The following KMT2C variants were observed in gnomAD, a reference collection of about 807,000 sequenced individuals.
KMT2C encodes the protein histone-lysine N-methyltransferase 2C.
KMT2C carries 88 observed loss-of-function variants against 507.9 expected under a neutral mutation model. The observed-to-expected ratio is 0.17, with a 90% CI of 0.15 to 0.21. KMT2C has a LOEUF of 0.21. Among genes scored for constraint, KMT2C ranks in the 10% least tolerant of loss-of-function variants. The pLI is 1.00. For missense variants in KMT2C, 4,954 were observed against 5,957.8 expected (o/e 0.83, Z 5.55); for synonymous variants, 2,049 against 2,080.8 (o/e 0.98, Z 0.42).
At position 152,306,403 on chromosome 7, in the gene KMT2C, C is replaced by T. The variant is rs527885123; in HGVS notation, c.849+3563G>A. ...TCCATGCTACACAGATCTCCACTCC[C>T]TTCTTCTCCCTCCCACTCCCTACAG... On this transcript the variant is annotated intron_variant, in intron 6 of 58. Transcript: ENST00000262189. Among the ~76,000 whole-genome samples the T allele has an allele frequency of 2.0e-5, 3 of 152,318 alleles. No individual in the cohort carries two copies. The South Asian group carries it at 6.2e-4, about 32-fold the overall frequency.
chr7:152,207,935 TA>T (rs2094351913), intron 23 of KMT2C, among the ~76,000 whole-genome samples: 1 of 152,186 alleles, frequency 6.6e-6, no homozygotes, highest in Admixed American at 6.5e-5. Flanking sequence ...CAATCATTCC[TA>T]ATCTCTTTCC....
chr7:152,162,063 AAG>A, intron 43 of KMT2C, 52 bp downstream of exon 43: 2 of 1,484,288 alleles, frequency 1.3e-6, no homozygotes, highest in Non-Finnish European at 1.8e-6. Context: ...AATCTGCTGT[AAG>A]TATAATTTAA....
chr7:152,183,079 T>C lies in KMT2C; in HGVS notation c.5160A>G (p.Gln1720=), dbSNP rs1459445815. ...AGCTGGGATCAATGCTATCTTGCTG[T>C]TGCTGCCTTTTCATGGAATCATTTG... ...QMSNDSMKRQ[Q]QQDSIDPSSR... Residue 1720 remains glutamine, a synonymous_variant, in exon 35 of 59, where the codon CAA becomes CAG. Transcript: ENST00000262189. 1 of 1,613,116 alleles carries C rather than the reference T, an allele frequency of 6.2e-7. No homozygotes were observed. Among genetic ancestry groups the C allele is most frequent in the South Asian group, 1.1e-5 (1 of 90,914 alleles).
intron 40 of KMT2C, 75 bp from the exon 41 acceptor site, chr7:152,169,324 A>G (rs2092859829): frequency 7.6e-6 from 6 of 787,122 alleles, no homozygotes; most frequent in East Asian, 5.0e-5. Context: ...TAAAAGAAAG[A>G]AAGAAAAAAA....
At chr7:152,325,911 C>CTTT (rs74740965) in intron 3 of KMT2C, among the ~76,000 whole-genome samples, 1 of 136,384 alleles carries the variant, frequency 7.3e-6, no homozygotes, top group African/African-American at 2.8e-5. Context: ...TTAGGTCTTT[C>CTTT]TTTTTTTTTT....
At chr7:152,418,062 TC>T (rs1489536221) in intron 1 of KMT2C, among the ~76,000 whole-genome samples, 1 of 151,674 alleles carries the variant, frequency 6.6e-6, no homozygotes, top group African/African-American at 2.4e-5. Context: ...TTCCTTAGCT[TC>T]CCAAGTAGCT....
intron 23 of KMT2C, among the ~76,000 whole-genome samples, chr7:152,209,655 G>A (rs1252449448): frequency 6.6e-6 from 1 of 151,048 alleles, no homozygotes; most frequent in Non-Finnish European, 1.5e-5. Context: ...GAAGAGAATT[G>A]CTTGAGCCCA....
Position 152,315,236 on chromosome 7 carries a change from T to C in KMT2C, c.492A>G (p.Arg164=), listed in dbSNP as rs771362356. 1 of 1,614,028 alleles carries C rather than the reference T, an allele frequency of 6.2e-7. No homozygotes were observed. Among genetic ancestry groups the C allele is most frequent in the Non-Finnish European group, 8.5e-7 (1 of 1,179,936 alleles). ...RITPGFILPW[R]NQPSNKKDID... The stretch of plus-strand genomic sequence containing the variant: ...TGTCCTTCTTGTTAGAAGGTTGGTT[T>C]CTCCATGGCAAGATAAATCCAGGCG... Residue 164 remains arginine (R), a synonymous_variant, in exon 4 of 59, where the codon AGA becomes AGG. Transcript: ENST00000262189.
intron 24 of KMT2C, among the ~76,000 whole-genome samples, chr7:152,207,089 C>G (rs2094329003): frequency 6.6e-6 from 1 of 152,162 alleles, no homozygotes; most frequent in South Asian, 2.1e-4. Context: ...AATAATGATT[C>G]ATTGTGAAGT....
In KMT2C at chr7:152,348,043, A is replaced by G. The variant is rs74379857; in HGVS notation, c.250+10544T>C. Among the ~76,000 whole-genome samples, 1,520 of 152,332 alleles carry G rather than the reference A, an allele frequency of 1.0e-2. 39 individuals are homozygous for G. Among genetic ancestry groups the G allele is most frequent in the African/African-American group, 0.035 (1,460 of 41,560 alleles). Reference sequence around the variant, plus strand: ...CTACAGATCCCATGGAATCTTAAATATTCAAGAAATACTATTAACAACTGT... The same window carrying G: ...CTACAGATCCCATGGAATCTTAAATGTTCAAGAAATACTATTAACAACTGT... On this transcript the variant is annotated intron_variant, in intron 2 of 58. Transcript: ENST00000262189.
At position 152,252,016 on chromosome 7, in the gene KMT2C, A is replaced by G. The variant is rs1434492505; in HGVS notation, c.1544T>C (p.Met515Thr). 1 of 1,613,114 alleles carries G rather than the reference A, an allele frequency of 6.2e-7. No individual in the cohort carries two copies. The highest frequency in any genetic ancestry group is 8.5e-7 in the Non-Finnish European group (1 of 1,179,410). Reference protein sequence around the residue: ...DTQLKEEYICMYCKHLGAEMD... With the variant: ...DTQLKEEYICTYCKHLGAEMD... The stretch of plus-strand genomic sequence containing the variant: ...CTCAGCTCCCAGGTGTTTACAATAC[A>G]TGCAGATATACTCTTCTTTGAGCTG... The change falls in exon 11 of 59, where the codon ATG becomes ACG. Residue 515 changes from methionine (M) to threonine (T), a missense_variant. By Grantham distance (81) the Met-to-Thr change is moderately conservative. Around this residue, in one of 29 missense-constraint regions of KMT2C, gnomAD observed 376 missense variants for 352.4 expected, o/e 1.07. Coordinates refer to ENST00000262189, the MANE Select transcript of KMT2C (RefSeq NM_170606.3).
intron 41 of KMT2C, among the ~76,000 whole-genome samples, chr7:152,167,739 C>T (rs930393517): frequency 6.6e-6 from 1 of 152,050 alleles, no homozygotes; most frequent in Non-Finnish European, 1.5e-5. Context: ...TTTATGAATA[C>T]GATTTTACAG....
At chr7:152,272,290 AG>A (rs1211039190) in intron 7 of KMT2C, among the ~76,000 whole-genome samples, 1 of 152,198 alleles carries the variant, frequency 6.6e-6, no homozygotes, top group Admixed American at 6.5e-5. Flanking sequence ...GTTAGAACAC[AG>A]TTTTCAGTAG....
Position 152,384,573 on chromosome 7 carries a change from C to T in KMT2C, c.162-25898G>A, listed in dbSNP as rs1589627099. Among the ~76,000 whole-genome samples, 64 of 146,422 alleles carry T rather than the reference C, an allele frequency of 4.4e-4. 1 individual carries two copies. The highest frequency in any genetic ancestry group is 1.1e-3 in the African/African-American group (45 of 40,328). On this transcript the variant is annotated intron_variant, in intron 1 of 58. Coordinates refer to ENST00000262189, the MANE Select transcript of KMT2C (RefSeq NM_170606.3). ...ACACCACCACCACCACCACCACCAC[C>T]ACCACCACCACCACCACCACCACCA...
intron 23 of KMT2C, among the ~76,000 whole-genome samples, chr7:152,216,223 G>A (rs2094579714): frequency 6.6e-6 from 1 of 152,168 alleles, no homozygotes; most frequent in Admixed American, 6.5e-5. Context: ...TGAGGTATGG[G>A]ATTTTTTTCT....
Position 152,194,051 on chromosome 7 carries a change from G to C in KMT2C, c.4618C>G (p.Gln1540Glu). 1.3e-6 allele frequency: 2 copies of C among 1,588,062 alleles called. No homozygotes were observed. Among genetic ancestry groups the C allele is most frequent in the Non-Finnish European group, 1.7e-6 (2 of 1,171,906 alleles). Residue 1540 changes from glutamine (Q) to glutamate (E), a missense_variant, in exon 31 of 59, where the codon CAG (glutamine) becomes GAG (glutamate). Gln to Glu is a conservative substitution (Grantham distance 29, BLOSUM62 2). Transcript: ENST00000262189. ...AACAGCTGTGTTGGTGGGGGAGGCT[G>C]TGGCAATGGAGTTGGCTGAGTGTTC... ...PANTQPTPLP[Q>E]PPPPTQLLPI...
At chr7:152,291,608 T>C (rs2096428564) in intron 6 of KMT2C, among the ~76,000 whole-genome samples, 1 of 152,292 alleles carries the variant, frequency 6.6e-6, no homozygotes, top group Non-Finnish European at 1.5e-5. Flanking sequence ...ATATTTTCTC[T>C]TGTAGTTGTT....
intron 6 of KMT2C, among the ~76,000 whole-genome samples, chr7:152,274,970 C>G (rs1046470106): frequency 2.6e-5 from 4 of 152,124 alleles, no homozygotes; most frequent in Non-Finnish European, 4.4e-5. Flanking sequence ...GGCTCATAAA[C>G]AGCTTAGCTG....
intron 51 of KMT2C, 121 bp from the exon 52 acceptor site, chr7:152,149,273 G>A (rs2091412027): frequency 5.6e-6 from 5 of 890,984 alleles, no homozygotes; most frequent in East Asian, 2.9e-5. Flanking sequence ...AGGGGCAGAG[G>A]GAGAGTCAGC....
Sources: gnomAD v4.1 joint callset for allele counts (sites outside exome capture counted in the v4.1 genomes callset) on GRCh38, gnomAD v4.1.1 for gene constraint, gnomAD v4.1.1 regional missense constraint, MANE v1.5 for transcripts, NCBI Gene and HGNC (gene_info 2026-07-23, HGNC 2026-07-21) for gene names.